Variants in MYO16 observed in about 807,000 individuals in gnomAD.
The protein encoded by MYO16 is unconventional myosin-XVI.
In MYO16, 94 loss-of-function variants were observed where a neutral mutation model predicts 205.3. That is an observed-to-expected ratio of 0.46 (90% CI 0.39 to 0.54). The LOEUF is 0.54. MYO16 is among the 20% of genes least tolerant of loss of function. The pLI is 0.00. For missense variants in MYO16, 2,315 were observed against 2,387.5 expected (o/e 0.97, Z 0.63); for synonymous variants, 988 against 954.0 (o/e 1.04, Z -0.66).
At chr13:108,902,183 TC>T (rs1280591214) in intron 15 of MYO16, among the ~76,000 whole-genome samples, 2 of 152,160 alleles carry the variant, frequency 1.3e-5, no homozygotes, top group African/African-American at 4.8e-5. Flanking sequence ...CTTCACTCAG[TC>T]ATCAGAAGCT....
chr13:108,739,648 C>CA (rs2139609595), intron 4 of MYO16, among the ~76,000 whole-genome samples: 1 of 152,208 alleles, frequency 6.6e-6, no homozygotes, highest in African/African-American at 2.4e-5. Flanking sequence ...ATCTCTGTGG[C>CA]ATTCTCTGTA....
At chr13:109,128,822 A>G (rs1876394314) in intron 31 of MYO16, among the ~76,000 whole-genome samples, 1 of 130,846 alleles carries the variant, frequency 7.6e-6, no homozygotes, top group Admixed American at 9.2e-5. Flanking sequence ...CTTAGGCTGG[A>G]GTGCAATGGC....
intron 2 of MYO16, among the ~76,000 whole-genome samples, chr13:108,688,203 AT>A (rs796586095): frequency 6.6e-6 from 1 of 151,938 alleles, no homozygotes; most frequent in Non-Finnish European, 1.5e-5. Flanking sequence ...GAGCCTTGTA[AT>A]TTTTTTCCCC....
chr13:108,796,772 T>G (rs1420086304), intron 6 of MYO16, among the ~76,000 whole-genome samples: 38 of 73,394 alleles, frequency 5.2e-4, no homozygotes, highest in South Asian at 1.4e-3. Flanking sequence ...TGTTGTGGGG[T>G]GGGGGGAGCG....
intron 12 of MYO16, 134 bp from the exon 13 acceptor site, chr13:108,882,925 T>G (rs1380694503): frequency 1.8e-5 from 23 of 1,266,744 alleles, no homozygotes; most frequent in Non-Finnish European, 2.5e-5. Context: ...CAAATGTTTT[T>G]ACATACCAAT....
chr13:109,105,239 G>A (rs2139724244), intron 28 of MYO16, among the ~76,000 whole-genome samples: 1 of 152,392 alleles, frequency 6.6e-6, no homozygotes, highest in African/African-American at 2.4e-5. Flanking sequence ...GAGAGGCTGA[G>A]GCGAGTGTAT....
intron 1 of MYO16, among the ~76,000 whole-genome samples, chr13:108,598,849 CTT>C (rs5806742): frequency 3.1e-4 from 47 of 149,628 alleles, no homozygotes; most frequent in African/African-American, 1.1e-3. Flanking sequence ...TTCTTTTTTT[CTT>C]TTTTTTTTAT....
the MYO16 span, among the ~76,000 whole-genome samples, chr13:108,524,796 T>G: frequency 6.6e-6 from 1 of 152,104 alleles, no homozygotes; most frequent in East Asian, 1.9e-4. Context: ...AGATAAATGA[T>G]TAAGAGTGAG....
intron 9 of MYO16, among the ~76,000 whole-genome samples, chr13:108,837,849 A>G (rs1413134014): frequency 1.3e-5 from 2 of 152,202 alleles, no homozygotes; most frequent in African/African-American, 2.4e-5. Flanking sequence ...TATTCTAAAG[A>G]AATCTTTCTA....
chr13:109,068,747 A>G (rs182323312), intron 27 of MYO16, among the ~76,000 whole-genome samples: 234 of 152,148 alleles, frequency 1.5e-3, no homozygotes, highest in Non-Finnish European at 2.9e-3. Context: ...ATGTGCCACC[A>G]TGCTCAGCTA....
chr13:108,989,722 A>G (rs571984195), intron 20 of MYO16, among the ~76,000 whole-genome samples: 2 of 152,298 alleles, frequency 1.3e-5, no homozygotes, highest in South Asian at 2.1e-4. Context: ...GCAAAGCTTT[A>G]TAACTAAATT....
intron 1 of MYO16, among the ~76,000 whole-genome samples, chr13:108,607,417 G>C (rs542575177): frequency 6.6e-6 from 1 of 152,104 alleles, no homozygotes; most frequent in Non-Finnish European, 1.5e-5. Flanking sequence ...CCCCTATGCA[G>C]TTCTCATGAC....
rs59465499 is a variant in MYO16, at chr13:109,154,911, G to GAAAAAAAAAA, written c.5165-9973_5165-9964dup. 7.2e-4 allele frequency among the ~76,000 whole-genome samples: 45 copies of GAAAAAAAAAA among 62,682 alleles called. 3 individuals are homozygous for GAAAAAAAAAA. The highest frequency in any genetic ancestry group is 1.1e-3 in the Non-Finnish European group (38 of 33,824). 41.1% of individuals were successfully genotyped at this position (62,682 alleles called of 152,430 possible). A position where few individuals can be genotyped will look rare whatever the true frequency, so the allele number is the denominator to read the frequency against. ...AGGTATTGCATACTCGGCTAATTAT[G>GAAAAAAAAAA]AAAAAAAAAAAAAAAAAAAAAAAAA... On this transcript the variant is annotated intron_variant, in intron 32 of 34. Coordinates refer to ENST00000457511, the MANE Select transcript of MYO16 (RefSeq NM_001198950.3).
chr13:108,832,720 A>G (rs1279003384), intron 9 of MYO16, among the ~76,000 whole-genome samples: 3 of 152,236 alleles, frequency 2.0e-5, no homozygotes, highest in Non-Finnish European at 4.4e-5. Context: ...AAGCAATAAT[A>G]AATCATATTT....
chr13:109,080,103 C>T (rs1353756931), intron 27 of MYO16, among the ~76,000 whole-genome samples: 2 of 151,634 alleles, frequency 1.3e-5, no homozygotes, highest in Non-Finnish European at 1.5e-5. Context: ...CTCAAAACTC[C>T]TGACCTCGTG....
At chr13:108,640,786 C>T (rs763393622) in intron 1 of MYO16, among the ~76,000 whole-genome samples, 8 of 152,122 alleles carry the variant, frequency 5.3e-5, no homozygotes, top group African/African-American at 1.7e-4. Flanking sequence ...ATAACGGTAA[C>T]GACAACCATA....
At chr13:108,889,966 C>G (rs1163594519) in intron 14 of MYO16, among the ~76,000 whole-genome samples, 2 of 152,136 alleles carry the variant, frequency 1.3e-5, no homozygotes, top group African/African-American at 4.8e-5. Context: ...GGGTCTTGCT[C>G]TGTCACACAG....
intron 31 of MYO16, among the ~76,000 whole-genome samples, chr13:109,129,394 T>C (rs1356383348): frequency 2.0e-5 from 3 of 152,128 alleles, no homozygotes; most frequent in East Asian, 1.9e-4. Flanking sequence ...GTCTTCAAAG[T>C]GGACATTGAC....
At chr13:108,614,393 C>A (rs1201712021) in intron 1 of MYO16, among the ~76,000 whole-genome samples, 1 of 152,044 alleles carries the variant, frequency 6.6e-6, no homozygotes, top group Non-Finnish European at 1.5e-5. Flanking sequence ...GATGGCAATG[C>A]TCCCCCAAAG....
Sources: allele counts gnomAD v4.1 joint callset (sites outside exome capture counted in the v4.1 genomes callset), GRCh38; gene constraint gnomAD v4.1.1; transcripts MANE v1.5; gene names NCBI Gene and HGNC (gene_info 2026-07-23, HGNC 2026-07-21).